RNF216: variants seen among roughly 807,000 people sequenced by gnomAD.
The protein encoded by RNF216 is ring finger protein 216.
RNF216 carries 72 observed loss-of-function variants against 110.8 expected under a neutral mutation model. That is an observed-to-expected ratio of 0.65 (90% CI 0.54 to 0.79). RNF216 has a LOEUF of 0.79. Ranked by LOEUF, RNF216 falls within the 30% of genes least tolerant of loss-of-function variation. The pLI, the probability that RNF216 is intolerant of heterozygous loss-of-function variation, is 0.00. For missense variants in RNF216, 1,342 were observed against 1,141.2 expected, an observed-to-expected ratio of 1.18 and a Z score of -2.54; for synonymous variants, 495 against 407.5, an observed-to-expected ratio of 1.21 and a Z score of -2.59.
chr7:5,748,531 C>G (rs73064662), intron 3 of RNF216, among the ~76,000 whole-genome samples: 54,334 of 151,254 alleles, frequency 0.36, 11,183 homozygotes, highest in Admixed American at 0.47. Flanking sequence ...CGTGAGCCAC[C>G]GTGTCCAGTT....
chr7:5,678,378 C>T (rs117322660), intron 13 of RNF216, among the ~76,000 whole-genome samples: 2,973 of 152,270 alleles, frequency 0.02, 45 homozygotes, highest in Non-Finnish European at 0.031. Flanking sequence ...GGCTGACAGG[C>T]CCTGGGCAGG....
chr7:5,624,638 C>T lies in RNF216; in HGVS notation c.2383-513G>A, dbSNP rs1300813037. On this transcript the variant is annotated intron_variant, in intron 15 of 16. Transcript: ENST00000389902. This position sits in a 1 kb window ranked among gnomAD's most constrained non-coding sequence, Gnocchi z 4.4. ...TGGCCTTGGCTCCTGGGCCAGGCCT[C>T]GGGGAGAGGAGGAAGGTGCGACAGT... Among the ~76,000 whole-genome samples, 9 of 152,292 alleles carry T rather than the reference C, an allele frequency of 5.9e-5. No homozygotes were observed. In the South Asian group the frequency reaches 8.3e-4, roughly 14 times the overall value.
rs186443697 is a variant in RNF216 at position 5,686,378 on chromosome 7, G to C, written c.2061+25383C>G. On this transcript the variant is annotated intron_variant, in intron 13 of 16. Transcript: ENST00000389902. ...TTTGCTTCTCACAACCACCCTGAAG[G>C]GGGCTGGGACAGAAAACAGGATCCC... Among the ~76,000 whole-genome samples, 568 of 152,242 alleles carry C rather than the reference G, an allele frequency of 3.7e-3. 2 individuals carry two copies. Among genetic ancestry groups the C allele is most frequent in the African/African-American group, 0.013 (549 of 41,532 alleles).
At chr7:5,765,817 G>C (rs1015828671) in intron 1 of RNF216, among the ~76,000 whole-genome samples, 19 of 149,668 alleles carry the variant, frequency 1.3e-4, no homozygotes, top group Non-Finnish European at 2.1e-4. Context: ...TTAGCCAGGC[G>C]TGGCAGTATG....
chr7:5,753,017 G>A, intron 2 of RNF216, 38 bp from the exon 3 acceptor site: 2 of 1,583,290 alleles, frequency 1.3e-6, no homozygotes, highest in Middle Eastern at 3.4e-4. Flanking sequence ...TGGGAGGTTG[G>A]CACTATCACA....
intron 2 of RNF216, among the ~76,000 whole-genome samples, chr7:5,758,386 CTT>C (rs1448989921): frequency 1.3e-5 from 2 of 152,162 alleles, no homozygotes; most frequent in Non-Finnish European, 2.9e-5. Flanking sequence ...TTTTATTACT[CTT>C]GATTTGACCT....
intron 13 of RNF216, among the ~76,000 whole-genome samples, chr7:5,677,441 G>A (rs979774321): frequency 1.3e-5 from 2 of 151,724 alleles, no homozygotes; most frequent in East Asian, 3.9e-4. Flanking sequence ...CTCTATAAAA[G>A]GAAAACAAAA....
intron 1 of RNF216, among the ~76,000 whole-genome samples, chr7:5,775,368 T>G (rs1339937266): frequency 6.6e-6 from 1 of 152,162 alleles, no homozygotes; most frequent in African/African-American, 2.4e-5. Flanking sequence ...ACAAATCATT[T>G]TTTTCTCCTT....
intron 13 of RNF216, among the ~76,000 whole-genome samples, chr7:5,665,079 C>A (rs1350439001): frequency 6.6e-6 from 1 of 151,842 alleles, no homozygotes; most frequent in Admixed American, 6.6e-5. Context: ...ATTACAGGCA[C>A]GAACCACCGC....
At chr7:5,720,692 G>A (rs577345694) in intron 9 of RNF216, among the ~76,000 whole-genome samples, 2 of 152,222 alleles carry the variant, frequency 1.3e-5, no homozygotes, top group African/African-American at 4.8e-5. Flanking sequence ...TGGTTTAGAA[G>A]ATACTTATTA....
chr7:5,638,041 A>T (rs1262861870), intron 15 of RNF216, among the ~76,000 whole-genome samples: 9 of 151,830 alleles, frequency 5.9e-5, no homozygotes, highest in Admixed American at 4.6e-4. Context: ...TGGGCCCCAC[A>T]CCCTCTCCTT....
At chr7:5,698,585 G>C (rs10276132) in intron 13 of RNF216, among the ~76,000 whole-genome samples, 1 of 152,016 alleles carries the variant, frequency 6.6e-6, no homozygotes, top group East Asian at 1.9e-4. Context: ...GTAGAGACGA[G>C]GTTGTGCTTT....
intron 13 of RNF216, among the ~76,000 whole-genome samples, chr7:5,679,714 TAAAC>T (rs979914948): frequency 5.8e-4 from 88 of 152,064 alleles, no homozygotes; most frequent in African/African-American, 1.8e-3. Flanking sequence ...AAGGAACAAT[TAAAC>T]AAAAAAAGAA....
Position 5,711,740 on chromosome 7 carries a change from GA to G in RNF216, c.2061+20del. ...AATACCATAATTCAATATACATCTA[GA>G]AAAAAATGTGCCTCCCTACCTTTCG... On this transcript the variant is annotated intron_variant, in intron 13 of 16. Coordinates refer to ENST00000389902, the MANE Select transcript of RNF216 (RefSeq NM_207111.4). The G allele has an allele frequency of 1.2e-6, 2 of 1,602,284 alleles. No homozygotes were observed. The highest frequency in any genetic ancestry group is 1.1e-5 in the South Asian group (1 of 89,574).
At chr7:5,743,708 T>G (rs1349438636) in intron 3 of RNF216, among the ~76,000 whole-genome samples, 1 of 152,206 alleles carries the variant, frequency 6.6e-6, no homozygotes, top group African/African-American at 2.4e-5. Flanking sequence ...GAAGGATACA[T>G]GCTAAACTGG....
At chr7:5,678,490 G>A (rs910316381) in intron 13 of RNF216, among the ~76,000 whole-genome samples, 1 of 152,172 alleles carries the variant, frequency 6.6e-6, no homozygotes, top group African/African-American at 2.4e-5. Context: ...CACATGACCT[G>A]GTGGTCAGGA....
rs775691792 is a variant in RNF216, at chr7:5,682,412, C to CTT, written c.2061+29347_2061+29348dup. ...TGACAGTTTTACTTTCATTTTTTTT[C>CTT]TTTTTTTTTTTTTTTGAGACAGTCT... On this transcript the variant is annotated intron_variant, in intron 13 of 16. Transcript: ENST00000389902. Among the ~76,000 whole-genome samples, 800 of 140,598 alleles carry CTT rather than the reference C, an allele frequency of 5.7e-3. 9 individuals are homozygous for CTT. Among genetic ancestry groups the CTT allele is most frequent in the African/African-American group, 0.02 (757 of 38,372 alleles). The allele number at this position is 140,598 out of a possible 152,430, so 92.2% of individuals were successfully genotyped here.
intron 8 of RNF216, among the ~76,000 whole-genome samples, chr7:5,723,986 A>G (rs1410858949): frequency 6.6e-6 from 1 of 152,242 alleles, no homozygotes; most frequent in East Asian, 1.9e-4. Flanking sequence ...AAGTAAAATT[A>G]AAGAATCAGC....
chr7:5,623,059 G>T lies in RNF216; in HGVS notation c.2573C>A (p.Ala858Asp). The part of the protein sequence containing the change: ...NLPQPQMPPY[A>D]FAHPPFPLPP... ...CAGGGGGAAGGGTGGGTGCGCGAAG[G>T]CATAGGGTGGCATCTGTGGCTGTGG... The change falls in exon 17 of 17, where the codon GCC becomes GAC. Residue 858 changes from alanine to aspartate, a missense_variant. Ala to Asp is a moderately radical substitution (Grantham distance 126, BLOSUM62 -2). Coordinates refer to ENST00000389902, the MANE Select transcript of RNF216 (RefSeq NM_207111.4). 1.9e-6 allele frequency: 3 copies of T among 1,613,644 alleles called. No individual in the cohort carries two copies. Among genetic ancestry groups the T allele is most frequent in the Non-Finnish European group, 2.5e-6 (3 of 1,179,630 alleles).
Sources: gnomAD v4.1 joint callset for allele counts (sites outside exome capture counted in the v4.1 genomes callset) on GRCh38, gnomAD v4.1.1 for gene constraint, Gnocchi (gnomAD v3.1) non-coding constraint, MANE v1.5 for transcripts, NCBI Gene and HGNC (gene_info 2026-07-23, HGNC 2026-07-21) for gene names.